Variants in PHACTR2 observed in about 807,000 individuals in gnomAD.
PHACTR2 encodes chromosome 6 open reading frame 56.
A neutral mutation model predicts 76.0 loss-of-function variants in PHACTR2; 30 were observed. The ratio of observed to expected loss-of-function variants is 0.39; its 90% confidence interval spans 0.30 to 0.54. PHACTR2 has a LOEUF of 0.54. Ranked by LOEUF, PHACTR2 falls within the 20% of genes least tolerant of loss-of-function variation. PHACTR2 has a pLI of 0.61. For synonymous variants in PHACTR2, 292 were observed against 292.5 expected (o/e 1.00, Z 0.02); for missense variants, 696 against 781.1 (o/e 0.89, Z 1.30).
upstream of PHACTR2, among the ~76,000 whole-genome samples, chr6:143,677,598 G>GA (rs1449294166): frequency 6.6e-6 from 1 of 151,974 alleles, no homozygotes; most frequent in African/African-American, 2.4e-5. Flanking sequence ...TTTAAAACGA[G>GA]AAAAAAATGG....
In PHACTR2 at chr6:143,662,894, A is replaced by G. The variant is rs1205730026; in HGVS notation, c.14-49122A>G. ...TTTCCCCCTATAGTACACAGTGTCTATTGTTCTCATGTTTATGTCCATGTG... is the reference window on the plus strand; with the variant it reads ...TTTCCCCCTATAGTACACAGTGTCTGTTGTTCTCATGTTTATGTCCATGTG... On this transcript the variant is annotated intron_variant, in intron 1 of 11. Transcript: ENST00000305766. This position sits in a 1 kb window ranked among gnomAD's most constrained non-coding sequence, Gnocchi z 4.7. 1.3e-5 allele frequency among the ~76,000 whole-genome samples: 2 copies of G among 152,026 alleles called. No homozygotes were observed. The highest frequency in any genetic ancestry group is 4.8e-5 in the African/African-American group (2 of 41,402).
At chr6:143,747,917 C>T (rs1779101571) in intron 2 of PHACTR2, among the ~76,000 whole-genome samples, 1 of 152,148 alleles carries the variant, frequency 6.6e-6, no homozygotes, top group African/African-American at 2.4e-5. Context: ...TAATACTATA[C>T]ACACTCAAGG....
intron 2 of PHACTR2, among the ~76,000 whole-genome samples, chr6:143,726,087 G>C (rs913612118): frequency 3.3e-5 from 5 of 152,186 alleles, no homozygotes; most frequent in African/African-American, 1.2e-4. Flanking sequence ...TCTTGTGTGA[G>C]CAAAAGTTTT....
rs1462246456 is a variant in PHACTR2, at chr6:143,679,156, G to A, written c.46+947G>A. Among the ~76,000 whole-genome samples, 3 of 152,126 alleles carry A rather than the reference G, an allele frequency of 2.0e-5. No homozygotes were observed. The highest frequency in any genetic ancestry group is 7.2e-5 in the African/African-American group (3 of 41,414). On this transcript the variant is annotated intron_variant, in intron 1 of 12. Coordinates refer to ENST00000440869, the MANE Select transcript of PHACTR2 (RefSeq NM_001100164.2). The surrounding 1 kb of genome is among the most constrained non-coding windows in gnomAD (Gnocchi z 4.6). Reference sequence around the variant, plus strand: ...AGGAAATGACAGGGTACAGAGGAAGGTTTTTTAATCTGCCTCAGGATGTCT... The same window carrying A: ...AGGAAATGACAGGGTACAGAGGAAGATTTTTTAATCTGCCTCAGGATGTCT...
intron 1 of PHACTR2, among the ~76,000 whole-genome samples, chr6:143,704,074 T>TGG (rs1382980903): frequency 1.1e-4 from 17 of 148,188 alleles, no homozygotes; most frequent in African/African-American, 4.4e-4. Context: ...AAGTCCATCA[T>TGG]GGGTGTGTGT....
At position 143,689,299 on chromosome 6, in the gene PHACTR2, C is replaced by T. The variant is rs1336852677; in HGVS notation, c.46+11090C>T. Among the ~76,000 whole-genome samples the T allele has an allele frequency of 6.6e-6, 1 of 152,166 alleles. No homozygotes were observed. The highest frequency in any genetic ancestry group is 1.9e-4 in the East Asian group (1 of 5,196). ...GTCTCTCTTTTCTAGAACATAAGCT[C>T]CATGATCTAAAAGACGTTATCTGTC... On this transcript the variant is annotated intron_variant, in intron 1 of 12. Transcript: ENST00000440869. The surrounding 1 kb of genome is among the most constrained non-coding windows in gnomAD (Gnocchi z 4.4).
chr6:143,815,975 C>T (rs1195982395), intron 12 of PHACTR2, among the ~76,000 whole-genome samples: 1 of 151,544 alleles, frequency 6.6e-6, no homozygotes, highest in Non-Finnish European at 1.5e-5. Flanking sequence ...TTATTGAAAT[C>T]ATTATCTTTA....
intron 2 of PHACTR2, among the ~76,000 whole-genome samples, chr6:143,715,586 G>T (rs1231493723): frequency 6.6e-6 from 1 of 152,234 alleles, no homozygotes; most frequent in Non-Finnish European, 1.5e-5. Flanking sequence ...GTGTTCTGCA[G>T]CCAATAAGCA....
At position 143,547,087 on chromosome 6, in the gene PHACTR2, T is replaced by G. The variant is rs1219859241; in HGVS notation, c.217+9880T>G. On this transcript the variant is annotated intron_variant, in intron 1 of 11. Transcript: ENST00000367584. This position sits in a 1 kb window ranked among gnomAD's most constrained non-coding sequence, Gnocchi z 4.2. Reference sequence around the variant, plus strand: ...GTTAGTAAGTGTTATAGAATTTATGTCTTCAAATGAGTGTTATCTTTTAGA... The same window carrying G: ...GTTAGTAAGTGTTATAGAATTTATGGCTTCAAATGAGTGTTATCTTTTAGA... 6.6e-6 allele frequency among the ~76,000 whole-genome samples: 1 copy of G among 152,066 alleles called. No homozygotes were observed. The highest frequency in any genetic ancestry group is 1.5e-5 in the Non-Finnish European group (1 of 67,990).
At position 143,624,525 on chromosome 6, in the gene PHACTR2, C is replaced by G. The variant is rs1230314797; in HGVS notation, c.13+16203C>G. Among the ~76,000 whole-genome samples, 1 of 152,222 alleles carries G rather than the reference C, an allele frequency of 6.6e-6. No homozygotes were observed. Among genetic ancestry groups the G allele is most frequent in the Non-Finnish European group, 1.5e-5 (1 of 68,032 alleles). On this transcript the variant is annotated intron_variant, in intron 1 of 11. Transcript: ENST00000305766. This position sits in a 1 kb window ranked among gnomAD's most constrained non-coding sequence, Gnocchi z 4.6. ...TTCTTCCACCTTCCTAAATTGAGGA[C>G]AGACTTGAGGCCAAAATCAGCAATT...
intron 1 of PHACTR2, among the ~76,000 whole-genome samples, chr6:143,703,728 C>G (rs983381710): frequency 6.6e-6 from 1 of 152,110 alleles, no homozygotes; most frequent in Non-Finnish European, 1.5e-5. Context: ...TTTAAAGGAA[C>G]CATCAGCTGA....
At chr6:143,690,602 A>G (rs1777622188) in intron 1 of PHACTR2, among the ~76,000 whole-genome samples, 1 of 152,226 alleles carries the variant, frequency 6.6e-6, no homozygotes, top group Non-Finnish European at 1.5e-5. Context: ...AAACACTGCC[A>G]TCCCTCCCAA....
At position 143,648,890 on chromosome 6, in the gene PHACTR2, TTG is replaced by T. The variant is rs66791386; in HGVS notation, c.13+40584_13+40585del. Among the ~76,000 whole-genome samples, 72,348 of 150,098 alleles carry T rather than the reference TTG, an allele frequency of 0.48. 17,267 individuals are homozygous for T. The highest frequency in any genetic ancestry group is 0.58 in the South Asian group (2,759 of 4,728). On this transcript the variant is annotated intron_variant, in intron 1 of 11. Coordinates refer to the PHACTR2 transcript ENST00000305766. The surrounding 1 kb of genome is among the most constrained non-coding windows in gnomAD (Gnocchi z 6.7). ...TCTATGCATATGTGTCTATGTATGTTTGTGTGTGTGTGTGTGTCTGTCTGGGT... is the reference window on the plus strand; with the variant it reads ...TCTATGCATATGTGTCTATGTATGTTTGTGTGTGTGTGTGTCTGTCTGGGT...
chr6:143,756,738 C>G (rs967648653), intron 4 of PHACTR2, among the ~76,000 whole-genome samples: 13 of 148,980 alleles, frequency 8.7e-5, no homozygotes, highest in East Asian at 4.0e-4. Context: ...TCACTTGCTC[C>G]CTGTTAAACA....
Position 143,755,933 on chromosome 6 carries a change from T to C in PHACTR2, c.454+2021T>C, listed in dbSNP as rs150427388. Among the ~76,000 whole-genome samples the C allele has an allele frequency of 1.3e-5, 2 of 152,106 alleles. No homozygotes were observed. The highest frequency in any genetic ancestry group is 2.4e-5 in the African/African-American group (1 of 41,424). On this transcript the variant is annotated intron_variant, in intron 4 of 12. Coordinates refer to ENST00000440869, the MANE Select transcript of PHACTR2 (RefSeq NM_001100164.2). The surrounding 1 kb of genome is among the most constrained non-coding windows in gnomAD (Gnocchi z 5.2). ...TTCACTTTTGCCTCTGCTCCTCTTC[T>C]GGTCTCACTGCTTGTGTGAGCTCAC...
At chr6:143,600,103 G>A (rs1265349015) in intron 1 of PHACTR2, among the ~76,000 whole-genome samples, 1 of 152,206 alleles carries the variant, frequency 6.6e-6, no homozygotes, top group African/African-American at 2.4e-5. Context: ...CAGGCTGCCC[G>A]CCGTCCGGCC....
Position 143,556,422 on chromosome 6 carries a change from A to G in PHACTR2, c.217+19215A>G, listed in dbSNP as rs1228376743. On this transcript the variant is annotated intron_variant, in intron 1 of 11. Coordinates refer to the PHACTR2 transcript ENST00000367584. The surrounding 1 kb of genome is among the most constrained non-coding windows in gnomAD (Gnocchi z 4.3). ...TTTTACTAAATGGAGAAAACATTGA[A>G]GGCAGCCAGCTTGATAGAATCATCA... 6.6e-6 allele frequency among the ~76,000 whole-genome samples: 1 copy of G among 152,258 alleles called. No individual in the cohort carries two copies. The highest frequency in any genetic ancestry group is 2.4e-5 in the African/African-American group (1 of 41,476).
Position 143,679,925 on chromosome 6 carries a change from CA to C in PHACTR2, c.46+1717del, listed in dbSNP as rs1777350135. Among the ~76,000 whole-genome samples, 1 of 152,196 alleles carries C rather than the reference CA, an allele frequency of 6.6e-6. No homozygotes were observed. Among genetic ancestry groups the C allele is most frequent in the South Asian group, 2.1e-4 (1 of 4,828 alleles). Reference sequence around the variant, plus strand: ...ACGGAACGGTGTTATACTTAAATTGCAGGTCCTCAGTTTTGCGGATTAAAAG... The same window carrying C: ...ACGGAACGGTGTTATACTTAAATTGCGGTCCTCAGTTTTGCGGATTAAAAG... On this transcript the variant is annotated intron_variant, in intron 1 of 12. Coordinates refer to ENST00000440869, the MANE Select transcript of PHACTR2 (RefSeq NM_001100164.2). This position sits in a 1 kb window ranked among gnomAD's most constrained non-coding sequence, Gnocchi z 4.6.
chr6:143,564,492 G>C (rs1479575176), intron 1 of PHACTR2, among the ~76,000 whole-genome samples: 1 of 151,808 alleles, frequency 6.6e-6, no homozygotes, highest in African/African-American at 2.4e-5. Flanking sequence ...ACATTTGCTA[G>C]GATTTTGTAT....
Sources: allele counts gnomAD v4.1 joint callset (sites outside exome capture counted in the v4.1 genomes callset), GRCh38; gene constraint gnomAD v4.1.1; non-coding constraint Gnocchi (gnomAD v3.1); transcripts MANE v1.5; gene names NCBI Gene and HGNC (gene_info 2026-07-23, HGNC 2026-07-21).